The following PCMT1 variants were observed in gnomAD, a reference collection of about 807,000 sequenced individuals.
PCMT1 encodes protein-L-isoaspartate(D-aspartate) O-methyltransferase.
PCMT1 carries 9 observed loss-of-function variants against 29.2 expected under a neutral mutation model. The ratio of observed to expected loss-of-function variants is 0.31; its 90% CI spans 0.19 to 0.54. The LOEUF (loss-of-function observed/expected upper bound fraction) is 0.54, where lower values mean the gene tolerates loss of function less well. Ranked by LOEUF, PCMT1 falls within the 20% of genes least tolerant of loss-of-function variation. The probability of loss-of-function intolerance (pLI) is 0.95; values close to 1 mark genes in which losing one functional copy is unlikely to be tolerated. For missense variants in PCMT1, 184 were observed against 282.2 expected (o/e 0.65, Z 2.49); for synonymous variants, 98 against 97.5 (o/e 1.00, Z -0.03).
intron 1 of PCMT1, among the ~76,000 whole-genome samples, chr6:149,757,729 AATGG>A (rs1786564841): frequency 6.6e-6 from 1 of 152,170 alleles, no homozygotes; most frequent in South Asian, 2.1e-4. Context: ...TGAAGCAAAG[AATGG>A]TTGACCATTT....
chr6:149,761,718 A>T (rs944975026), intron 1 of PCMT1, among the ~76,000 whole-genome samples: 9 of 152,150 alleles, frequency 5.9e-5, no homozygotes, highest in Admixed American at 5.2e-4. Flanking sequence ...CTCTTAACCC[A>T]TCTACTTGGT....
intron 3 of PCMT1, among the ~76,000 whole-genome samples, chr6:149,780,946 A>G (rs1787788819): frequency 6.6e-6 from 1 of 152,174 alleles, no homozygotes; most frequent in South Asian, 2.1e-4. Flanking sequence ...AAGCAGCTGC[A>G]CCATTTTACA....
At chr6:149,758,440 G>C (rs1277883030) in intron 1 of PCMT1, among the ~76,000 whole-genome samples, 1 of 151,008 alleles carries the variant, frequency 6.6e-6, no homozygotes, top group Non-Finnish European at 1.5e-5. Context: ...TCAAACTCCT[G>C]ACTTTGTGAT....
intron 3 of PCMT1, among the ~76,000 whole-genome samples, chr6:149,781,981 T>C (rs1266714224): frequency 1.3e-5 from 2 of 152,232 alleles, no homozygotes; most frequent in South Asian, 2.1e-4. Flanking sequence ...AGGTACATCA[T>C]ATAAGTGGAA....
At chr6:149,750,157 GA>G in intron 1 of PCMT1, 1 of 716,198 alleles carries the variant, frequency 1.4e-6, no homozygotes, top group Non-Finnish European at 2.2e-6. Flanking sequence ...ACGTGGACTG[GA>G]AGGGGAGAGA....
At chr6:149,768,595 CAT>C (rs1268768768) in intron 1 of PCMT1, among the ~76,000 whole-genome samples, 1 of 151,546 alleles carries the variant, frequency 6.6e-6, no homozygotes, top group Non-Finnish European at 1.5e-5. Context: ...GGATCACAGA[CAT>C]GAACCACCAT....
chr6:149,808,251 T>C (rs963342638), intron 7 of PCMT1, among the ~76,000 whole-genome samples: 2 of 152,102 alleles, frequency 1.3e-5, no homozygotes, highest in Non-Finnish European at 2.9e-5. Context: ...ATATTTAGCA[T>C]AGTATATAGC....
At chr6:149,757,480 G>A (rs894029959) in intron 1 of PCMT1, among the ~76,000 whole-genome samples, 1 of 152,194 alleles carries the variant, frequency 6.6e-6, no homozygotes, top group African/African-American at 2.4e-5. Flanking sequence ...GGATAAGAGT[G>A]ATGAAGATAA....
At chr6:149,772,246 A>G (rs529153037) in intron 2 of PCMT1, 3 of 360,344 alleles carry the variant, frequency 8.3e-6, no homozygotes, top group East Asian at 7.6e-5. Context: ...AGAAAGAAGC[A>G]GGTAAATAAG....
Position 149,796,450 on chromosome 6 carries a change from C to G in PCMT1, c.454C>G (p.Pro152Ala). Residue 152 changes from proline (P) to alanine (A), a missense_variant, in exon 6 of 8, where the codon CCT becomes GCT. Coordinates refer to ENST00000464889, the MANE Select transcript of PCMT1 (RefSeq NM_001360452.2). ...AAGAATGGGATATGCTGAAGAAGCCCCTTATGATGCCATTCATGTGGGAGC... is the reference window on the plus strand; with the variant it reads ...AAGAATGGGATATGCTGAAGAAGCCGCTTATGATGCCATTCATGTGGGAGC... The part of the protein sequence containing the change: ...DGRMGYAEEA[P>A]YDAIHVGAAA... 6.2e-7 allele frequency: 1 copy of G among 1,613,680 alleles called. No individual in the cohort carries two copies. The highest frequency in any genetic ancestry group is 8.5e-7 in the Non-Finnish European group (1 of 1,179,870).
At chr6:149,763,487 A>G (rs1299390863) in intron 1 of PCMT1, among the ~76,000 whole-genome samples, 1 of 151,970 alleles carries the variant, frequency 6.6e-6, no homozygotes, top group African/African-American at 2.4e-5. Flanking sequence ...CTGAGACATG[A>G]TGGGTTCAGC....
At chr6:149,755,505 G>A (rs1583000879) in intron 1 of PCMT1, among the ~76,000 whole-genome samples, 1 of 152,168 alleles carries the variant, frequency 6.6e-6, no homozygotes, top group East Asian at 1.9e-4. Flanking sequence ...TCTATTAAGG[G>A]TCTTGGACCG....
chr6:149,810,933 G>A lies in PCMT1; in HGVS notation c.*355G>A, dbSNP rs1045392979. 12 of 282,978 alleles carry A rather than the reference G, an allele frequency of 4.2e-5. No individual in the cohort carries two copies. The highest frequency in any genetic ancestry group is 1.1e-3 in the Middle Eastern group (1 of 952). The allele number at this position is 282,978 out of a possible 1,614,324, so 17.5% of individuals were successfully genotyped here. A position where few individuals can be genotyped will look rare whatever the true frequency, so the allele number is the denominator to read the frequency against. On this transcript the variant is annotated 3_prime_UTR_variant, in exon 8 of 8. Coordinates refer to ENST00000464889, the MANE Select transcript of PCMT1 (RefSeq NM_001360452.2). Reference sequence around the variant, plus strand: ...ACTTAGTTTGTGAATTGATTTTGAGGAGTGGTTTTTCTTTTCTTGGACACT... The same window carrying A: ...ACTTAGTTTGTGAATTGATTTTGAGAAGTGGTTTTTCTTTTCTTGGACACT...
At chr6:149,793,069 A>G (rs1277091886) in intron 4 of PCMT1, among the ~76,000 whole-genome samples, 1 of 151,882 alleles carries the variant, frequency 6.6e-6, no homozygotes, top group Non-Finnish European at 1.5e-5. Flanking sequence ...AGGCTGAGGC[A>G]GGAGAATTGC....
rs555830767 is a variant in PCMT1 at position 149,800,418 on chromosome 6, G to A, written c.505-1782G>A. Among the ~76,000 whole-genome samples the A allele has an allele frequency of 3.5e-3, 528 of 152,172 alleles. 3 individuals are homozygous for A. Among genetic ancestry groups the A allele is most frequent in the African/African-American group, 0.012 (500 of 41,530 alleles). ...TGGGAGGCGGAGGTTGCAGTGAGCC[G>A]AGATCGTGCCACTGCACTCCAGCCT... On this transcript the variant is annotated intron_variant, in intron 6 of 7. Coordinates refer to ENST00000464889, the MANE Select transcript of PCMT1 (RefSeq NM_001360452.2).
At chr6:149,781,011 G>A (rs976138989) in intron 3 of PCMT1, among the ~76,000 whole-genome samples, 3 of 151,984 alleles carry the variant, frequency 2.0e-5, no homozygotes, top group East Asian at 1.9e-4. Flanking sequence ...GTTAACATTT[G>A]TTATTTTCTT....
chr6:149,773,134 G>C lies in PCMT1; in HGVS notation c.161-4G>C. 1 of 1,608,340 alleles carries C rather than the reference G, an allele frequency of 6.2e-7. No homozygotes were observed. The highest frequency in any genetic ancestry group is 8.5e-7 in the Non-Finnish European group (1 of 1,176,110). On this transcript the variant is annotated splice_region_variant and splice_polypyrimidine_tract_variant and intron_variant, in intron 2 of 7. Coordinates refer to ENST00000464889, the MANE Select transcript of PCMT1 (RefSeq NM_001360452.2). Reference sequence around the variant, plus strand: ...GTATCAGTAGTTCTCTTCTTCTTTTGCAGGTTTCCAAGCAACAATCAGTGC... The same window carrying C: ...GTATCAGTAGTTCTCTTCTTCTTTTCCAGGTTTCCAAGCAACAATCAGTGC...
At chr6:149,754,434 A>T (rs1216047430) in intron 1 of PCMT1, among the ~76,000 whole-genome samples, 1 of 152,178 alleles carries the variant, frequency 6.6e-6, no homozygotes, top group African/African-American at 2.4e-5. Flanking sequence ...TCCTACTCGT[A>T]TTGAGATAAT....
intron 1 of PCMT1, among the ~76,000 whole-genome samples, chr6:149,751,012 CACCATTAAAAAAAATT>C (rs1324435776): frequency 7.2e-5 from 11 of 152,092 alleles, no homozygotes; most frequent in Admixed American, 5.2e-4. Context: ...TAACGGCTGG[CACCATTAAAAAAAATT>C]TTTTTTGGCC....
Sources: gnomAD v4.1 joint callset for allele counts (sites outside exome capture counted in the v4.1 genomes callset) on GRCh38, gnomAD v4.1.1 for gene constraint, MANE v1.5 for transcripts, NCBI Gene and HGNC (gene_info 2026-07-23, HGNC 2026-07-21) for gene names.